Variants in IQSEC1 observed in about 807,000 individuals in gnomAD.
IQSEC1 encodes the protein IQ motif and SEC7 domain-containing protein 1.
Under a neutral mutation model 91.0 loss-of-function variants are expected in IQSEC1, and 31 were observed. The observed-to-expected ratio is 0.34, with a 90% confidence interval of 0.26 to 0.46. The LOEUF is 0.46. Ranked by LOEUF, IQSEC1 falls within the 20% of genes least tolerant of loss-of-function variation. The pLI is 1.00. For synonymous variants in IQSEC1, 699 were observed against 662.6 expected (o/e 1.05, Z -0.84); for missense variants, 1,388 against 1,575.6 (o/e 0.88, Z 2.02).
chr3:13,134,349 G>C (rs1706672950), intron 2 of IQSEC1, among the ~76,000 whole-genome samples: 1 of 152,232 alleles, frequency 6.6e-6, no homozygotes, highest in South Asian at 2.1e-4. Context: ...ATCCCATACA[G>C]TGGGAGCCAG....
At chr3:13,040,879 G>A (rs563520521) in intron 1 of IQSEC1, among the ~76,000 whole-genome samples, 26 of 152,262 alleles carry the variant, frequency 1.7e-4, no homozygotes, top group Admixed American at 1.3e-3. Context: ...GACTCTGACC[G>A]CGACTCATGC....
chr3:12,920,882 G>A lies in IQSEC1; in HGVS notation c.1854-286C>T, dbSNP rs149021438. Among the ~76,000 whole-genome samples the A allele has an allele frequency of 2.6e-3, 396 of 152,328 alleles. 1 individual carries two copies. Among genetic ancestry groups the A allele is most frequent in the South Asian group, 8.9e-3 (43 of 4,832 alleles). On this transcript the variant is annotated intron_variant, in intron 5 of 13. Coordinates refer to ENST00000613206, the MANE Select transcript of IQSEC1 (RefSeq NM_001134382.3). ...CCACACCACCACATTCAGCCCATGG[G>A]ATGTGAACACATGTGATGTGAGTGC...
chr3:12,897,200 T>G lies in IQSEC1; in HGVS notation c.*3783A>C, dbSNP rs570583658. On this transcript the variant is annotated 3_prime_UTR_variant, in exon 14 of 14. Transcript: ENST00000613206. ...GCCAACAGGGCAACTTCTGGACTTT[T>G]CAGAAAAAGTGAGAATCCGAGAGTT... 4 of 152,238 alleles carry G rather than the reference T, an allele frequency of 2.6e-5. No individual in the cohort carries two copies. Among genetic ancestry groups the G allele is most frequent in the Admixed American group, 2.0e-4 (3 of 15,286 alleles). The allele number at this position is 152,238 out of a possible 1,614,324, so 9.4% of individuals were successfully genotyped here.
chr3:12,945,076 G>A (rs368478785), intron 1 of IQSEC1, among the ~76,000 whole-genome samples: 30 of 152,322 alleles, frequency 2.0e-4, no homozygotes, highest in African/African-American at 4.1e-4. Context: ...CCAGTTGGCC[G>A]CGGTGTGGGG....
At chr3:13,033,738 C>T (rs1235334936) in intron 1 of IQSEC1, among the ~76,000 whole-genome samples, 1 of 152,120 alleles carries the variant, frequency 6.6e-6, no homozygotes, top group Non-Finnish European at 1.5e-5. Flanking sequence ...GGGCACCAGG[C>T]AGGAGACCCT....
At chr3:13,160,614 T>C (rs957074899) in intron 2 of IQSEC1, among the ~76,000 whole-genome samples, 1 of 152,248 alleles carries the variant, frequency 6.6e-6, no homozygotes, top group Non-Finnish European at 1.5e-5. Context: ...GGGGAGGGTG[T>C]TGCGGGGGCA....
intron 12 of IQSEC1, among the ~76,000 whole-genome samples, chr3:12,905,550 G>A (rs1322237978): frequency 6.6e-6 from 1 of 152,268 alleles, no homozygotes; most frequent in African/African-American, 2.4e-5. Flanking sequence ...GGCAGGCGGA[G>A]GTGGGGGATG....
chr3:12,982,855 C>A (rs1701535920), intron 1 of IQSEC1, among the ~76,000 whole-genome samples: 2 of 152,242 alleles, frequency 1.3e-5, no homozygotes, highest in Admixed American at 1.3e-4. Flanking sequence ...CTGCCATGCA[C>A]CAGGCACTGG....
At chr3:12,904,110 A>G (rs1694694466) in intron 12 of IQSEC1, among the ~76,000 whole-genome samples, 1 of 152,208 alleles carries the variant, frequency 6.6e-6, no homozygotes, top group South Asian at 2.1e-4. Flanking sequence ...CAGCTAGCCC[A>G]AGGCCACCAG....
At chr3:13,165,566 G>C (rs1034810480) in intron 1 of IQSEC1, among the ~76,000 whole-genome samples, 6 of 145,756 alleles carry the variant, frequency 4.1e-5, no homozygotes, top group South Asian at 4.5e-4. Context: ...GTGTGTGTGT[G>C]TGTGTGTGTG....
intron 1 of IQSEC1, among the ~76,000 whole-genome samples, chr3:12,946,419 A>G (rs1699185149): frequency 1.3e-5 from 2 of 152,228 alleles, no homozygotes; most frequent in African/African-American, 4.8e-5. Flanking sequence ...TATTCCTGGC[A>G]GTTCAGAGTC....
At chr3:13,055,874 C>A (rs933346858) in intron 1 of IQSEC1, among the ~76,000 whole-genome samples, 3 of 152,140 alleles carry the variant, frequency 2.0e-5, no homozygotes, top group Non-Finnish European at 1.5e-5. Context: ...CGGGGTGGGG[C>A]AGGCCAGGCA....
intron 1 of IQSEC1, chr3:13,022,195 G>A (rs532149277): frequency 2.2e-5 from 27 of 1,230,880 alleles, no homozygotes; most frequent in African/African-American, 7.8e-5. Context: ...CTCTCTTCAC[G>A]GATTTTCAGG....
At chr3:12,950,809 AT>A (rs559269334) in intron 1 of IQSEC1, among the ~76,000 whole-genome samples, 12 of 149,304 alleles carry the variant, frequency 8.0e-5, no homozygotes, top group Non-Finnish European at 1.0e-4. Flanking sequence ...TGCCTGGCTA[AT>A]TTTTTTTTTG....
chr3:13,158,417 C>A (rs1707117020), intron 2 of IQSEC1, among the ~76,000 whole-genome samples: 1 of 152,222 alleles, frequency 6.6e-6, no homozygotes, highest in Non-Finnish European at 1.5e-5. Flanking sequence ...ATTACAAAGG[C>A]TGCTTTGCCT....
At chr3:13,281,791 T>A (rs922218120) in intron 1 of IQSEC1, among the ~76,000 whole-genome samples, 1 of 152,182 alleles carries the variant, frequency 6.6e-6, no homozygotes, top group Non-Finnish European at 1.5e-5. Flanking sequence ...ACACAGTGAT[T>A]TCTAGTCTTC....
chr3:13,252,527 C>T (rs1046519869), intron 1 of IQSEC1, among the ~76,000 whole-genome samples: 6 of 152,194 alleles, frequency 3.9e-5, no homozygotes, highest in South Asian at 2.1e-4. Flanking sequence ...ATCTCTTCGA[C>T]GCCCCGCGTT....
At chr3:13,127,361 C>T (rs1452243396) in intron 2 of IQSEC1, among the ~76,000 whole-genome samples, 1 of 152,024 alleles carries the variant, frequency 6.6e-6, no homozygotes, top group Non-Finnish European at 1.5e-5. Context: ...TTGCAGTGAG[C>T]CGAGATGGCA....
chr3:13,131,400 A>T, intron 2 of IQSEC1, among the ~76,000 whole-genome samples: 1 of 150,940 alleles, frequency 6.6e-6, no homozygotes. Context: ...AATCTAACCT[A>T]AAGGTCACTG....
Sources: allele counts gnomAD v4.1 joint callset (sites outside exome capture counted in the v4.1 genomes callset), GRCh38; gene constraint gnomAD v4.1.1; transcripts MANE v1.5; gene names NCBI Gene and HGNC (gene_info 2026-07-23, HGNC 2026-07-21).